Variants in HSD17B4 observed in about 807,000 individuals in gnomAD.
HSD17B4 encodes the protein peroxisomal multifunctional enzyme type 2.
Under a neutral mutation model 101.0 loss-of-function variants are expected in HSD17B4, and 70 were observed. That is an observed-to-expected ratio of 0.69 (90% CI 0.57 to 0.85). The LOEUF (loss-of-function observed/expected upper bound fraction) is 0.85, where lower values mean the gene tolerates loss of function less well. Ranked by LOEUF, HSD17B4 falls within the 40% of genes least tolerant of loss-of-function variation. The probability of loss-of-function intolerance (pLI) is 0.00; values close to 1 mark genes in which losing one functional copy is unlikely to be tolerated. For missense variants in HSD17B4, 984 were observed against 892.4 expected (o/e 1.10, Z -1.31); for synonymous variants, 347 against 297.1 (o/e 1.17, Z -1.73).
Position 119,525,980 on chromosome 5 carries a change from A to G in HSD17B4, c.1637A>G (p.Gln546Arg), listed in dbSNP as rs1753559355. The G allele has an allele frequency of 1.2e-6, 2 of 1,610,732 alleles. No homozygotes were observed. Among genetic ancestry groups the G allele is most frequent in the African/African-American group, 1.3e-5 (1 of 74,834 alleles). Residue 546 changes from glutamine to arginine, a missense_variant, in exon 19 of 24, where the codon CAG becomes CGG. By Grantham distance (43) the Gln-to-Arg change is conservative. Coordinates refer to ENST00000510025, the MANE Select transcript of HSD17B4 (RefSeq NM_000414.4). ...GGATTTTCTGCCAGGCGTGTGTTAC[A>G]GCAGTTTGCAGATAATGATGTGTCA... Reference protein sequence around the residue: ...TFGFSARRVLQQFADNDVSRF... With the variant: ...TFGFSARRVLRQFADNDVSRF...
chr5:119,513,135 A>T (rs1752321114), intron 16 of HSD17B4, among the ~76,000 whole-genome samples: 1 of 152,220 alleles, frequency 6.6e-6, no homozygotes, highest in South Asian at 2.1e-4. Flanking sequence ...ATTTACGTGA[A>T]GTTGTATCTA....
chr5:119,476,803 C>CT, intron 6 of HSD17B4: 1 of 566,552 alleles, frequency 1.8e-6, no homozygotes, highest in Non-Finnish European at 2.2e-6. Context: ...TTTTTAGTTC[C>CT]TTTTTTCACT....
chr5:119,483,815 A>G (rs1580577261), intron 8 of HSD17B4, among the ~76,000 whole-genome samples: 1 of 152,316 alleles, frequency 6.6e-6, no homozygotes, highest in East Asian at 1.9e-4. Context: ...GAACACTTGG[A>G]AATGAATATC....
chr5:119,527,309 G>T, intron 20 of HSD17B4, 90 bp downstream of exon 20: 3 of 725,728 alleles, frequency 4.1e-6, no homozygotes, highest in Non-Finnish European at 7.4e-6. Context: ...TGGATAGAAA[G>T]TTCTTTTTAA....
rs376738933 is a variant in HSD17B4 at position 119,479,037 on chromosome 5, T to G, written c.622+16T>G. On this transcript the variant is annotated intron_variant, in intron 8 of 23. Transcript: ENST00000510025. ...ATGCCTGAAGGTAAGTAAGCAAGCT[T>G]ATATTTTTCAGTGCTGTTACTTACA... 1.4e-5 allele frequency: 23 copies of G among 1,601,300 alleles called. No homozygotes were observed. The African/African-American group carries it at 1.5e-4, about 10-fold the overall frequency.
chr5:119,492,062 C>T (rs957992793), intron 9 of HSD17B4, 38 bp from the exon 10 acceptor site: 6 of 1,549,530 alleles, frequency 3.9e-6, no homozygotes, highest in Non-Finnish European at 5.3e-6. Context: ...AGTGATTTCA[C>T]ATTAGATGGT....
chr5:119,509,114 T>C (rs753371112), intron 15 of HSD17B4, 27 bp from the exon 16 acceptor site: 2 of 1,273,832 alleles, frequency 1.6e-6, no homozygotes, highest in Admixed American at 3.4e-5. Context: ...GTAACTTCTT[T>C]TATTTTTTCT....
At chr5:119,456,600 G>T (rs1418554947) in intron 2 of HSD17B4, 2 of 523,028 alleles carry the variant, frequency 3.8e-6, no homozygotes, top group Non-Finnish European at 6.8e-6. Context: ...AAGGGCTAGG[G>T]GGTAGGCATG....
At chr5:119,490,947 C>G (rs1750050149) in intron 9 of HSD17B4, among the ~76,000 whole-genome samples, 1 of 152,164 alleles carries the variant, frequency 6.6e-6, no homozygotes. Flanking sequence ...TTGCTGTTTT[C>G]TTTTACTATA....
intron 2 of HSD17B4, among the ~76,000 whole-genome samples, chr5:119,458,830 C>G (rs530087050): frequency 6.6e-6 from 1 of 152,012 alleles, no homozygotes; most frequent in South Asian, 2.1e-4. Flanking sequence ...TCAGGAAATG[C>G]TTGTGCATTT....
At chr5:119,535,941 C>A (rs536354102) in intron 22 of HSD17B4, 161 of 186,674 alleles carry the variant, frequency 8.6e-4, no homozygotes, top group Non-Finnish European at 1.5e-3. Flanking sequence ...ATATTCTCAT[C>A]TGTTACCTCA....
intron 8 of HSD17B4, among the ~76,000 whole-genome samples, chr5:119,484,228 G>A (rs1047077549): frequency 3.9e-5 from 6 of 152,072 alleles, no homozygotes; most frequent in African/African-American, 1.2e-4. Context: ...AAAGCTGTTC[G>A]TTTATTCAAG....
chr5:119,456,664 T>A (rs1754706908), intron 2 of HSD17B4: 1 of 434,646 alleles, frequency 2.3e-6, no homozygotes. Context: ...GGAGGATCGC[T>A]TGAGACCAGG....
chr5:119,504,328 C>T (rs768755146), intron 14 of HSD17B4, among the ~76,000 whole-genome samples: 1 of 152,134 alleles, frequency 6.6e-6, no homozygotes, highest in Non-Finnish European at 1.5e-5. Flanking sequence ...AATGGTAGTT[C>T]TGTTTTAAGT....
chr5:119,485,185 G>C (rs1749506548), intron 8 of HSD17B4, among the ~76,000 whole-genome samples: 1 of 152,074 alleles, frequency 6.6e-6, no homozygotes, highest in Non-Finnish European at 1.5e-5. Context: ...CCCTTTGTTA[G>C]ATTTTTACCT....
rs1197657511 is a variant in HSD17B4 at position 119,502,487 on chromosome 5, C to T, written c.1261+395C>T. On this transcript the variant is annotated intron_variant, in intron 14 of 23. Coordinates refer to ENST00000510025, the MANE Select transcript of HSD17B4 (RefSeq NM_000414.4). The stretch of plus-strand genomic sequence containing the variant: ...AACAATGTTAAAAGATACAGAATTT[C>T]TTGTAATTCATTTTTTTCTTTTTTT... 7.3e-5 allele frequency among the ~76,000 whole-genome samples: 11 copies of T among 150,454 alleles called. 1 individual carries two copies. The highest frequency in any genetic ancestry group is 7.3e-4 in the Admixed American group (11 of 15,050).
chr5:119,474,449 T>G lies in HSD17B4; in HGVS notation c.269T>G (p.Phe90Cys), dbSNP rs150907852. 5.6e-6 allele frequency: 9 copies of G among 1,600,998 alleles called. No individual in the cohort carries two copies. Among genetic ancestry groups the G allele is most frequent in the Non-Finnish European group, 7.7e-6 (9 of 1,168,236 alleles). The change falls in exon 4 of 24, where the codon TTT (phenylalanine) becomes TGT (cysteine). Residue 90 changes from phenylalanine to cysteine, a missense_variant. Physicochemically the swap from Phe to Cys is radical, Grantham distance 205. Coordinates refer to ENST00000510025, the MANE Select transcript of HSD17B4 (RefSeq NM_000414.4). ...GTTGTGAAGACAGCCCTGGATGCTT[T>G]TGGAAGAATAGGTGATGTTTCTTTG... ...EKVVKTALDA[F>C]GRIDVVVNNA... is the part of the protein sequence containing the mutation.
At chr5:119,497,901 G>C (rs908663300) in intron 12 of HSD17B4, among the ~76,000 whole-genome samples, 6 of 151,776 alleles carry the variant, frequency 4.0e-5, no homozygotes, top group African/African-American at 1.5e-4. Flanking sequence ...TCCTACTTTA[G>C]TAACATTTTC....
chr5:119,521,365 G>A (rs1304228942), intron 17 of HSD17B4, among the ~76,000 whole-genome samples: 1 of 152,138 alleles, frequency 6.6e-6, no homozygotes, highest in African/African-American at 2.4e-5. Context: ...AGTCTTGCAT[G>A]TTGCAGGTCA....
Sources: gnomAD v4.1 joint callset for allele counts (sites outside exome capture counted in the v4.1 genomes callset) on GRCh38, gnomAD v4.1.1 for gene constraint, MANE v1.5 for transcripts, NCBI Gene and HGNC (gene_info 2026-07-23, HGNC 2026-07-21) for gene names.